The following GTF2A1L variants were observed in gnomAD, a reference collection of about 807,000 sequenced individuals.
The protein encoded by GTF2A1L is TFIIA-alpha and beta-like factor.
Under a neutral mutation model 49.7 loss-of-function variants are expected in GTF2A1L, and 48 were observed. That is an observed-to-expected ratio of 0.97 (90% CI 0.77 to 1.23). GTF2A1L has a LOEUF of 1.23. Ranked by LOEUF, GTF2A1L falls within the 50% of genes most tolerant of loss-of-function variation. The pLI, the probability that GTF2A1L is intolerant of heterozygous loss-of-function variation, is 0.00. For missense variants in GTF2A1L, 736 were observed against 564.8 expected, an observed-to-expected ratio of 1.30 and a Z score of -3.07; for synonymous variants, 246 against 193.5, an observed-to-expected ratio of 1.27 and a Z score of -2.25.
At chr2:48,636,956 A>T (rs1218644842) in intron 3 of GTF2A1L, among the ~76,000 whole-genome samples, 1 of 152,136 alleles carries the variant, frequency 6.6e-6, no homozygotes, top group Non-Finnish European at 1.5e-5. Flanking sequence ...AAGGGAAGGG[A>T]GGAACAGGGA....
rs1678915805 is a variant in GTF2A1L at position 48,667,436 on chromosome 2, A to C, written c.979-2286A>C. 1.3e-5 allele frequency among the ~76,000 whole-genome samples: 2 copies of C among 152,130 alleles called. 1 individual carries two copies. The highest frequency in any genetic ancestry group is 1.3e-4 in the Admixed American group (2 of 15,274). On this transcript the variant is annotated intron_variant, in intron 6 of 8. Coordinates refer to ENST00000403751, the MANE Select transcript of GTF2A1L (RefSeq NM_006872.5). ...GCTTCAAGAAAAGTTGTGATTTTGT[A>C]ATTTATCCAGCTTTTGTTCATTGTT...
intron 5 of GTF2A1L, among the ~76,000 whole-genome samples, chr2:48,645,341 T>C (rs976217281): frequency 1.3e-5 from 2 of 152,220 alleles, no homozygotes; most frequent in African/African-American, 2.4e-5. Flanking sequence ...CAGTTCTCTT[T>C]CCCAACATTG....
intron 3 of GTF2A1L, among the ~76,000 whole-genome samples, chr2:48,634,933 G>C (rs1180992468): frequency 6.6e-6 from 1 of 152,228 alleles, no homozygotes; most frequent in Non-Finnish European, 1.5e-5. Flanking sequence ...GCAGGTACAA[G>C]CACTGAAGCT....
At chr2:48,646,401 A>G (rs1283035108) in intron 5 of GTF2A1L, 52 bp from the exon 6 acceptor site, 2 of 1,382,368 alleles carry the variant, frequency 1.4e-6, no homozygotes, top group Non-Finnish European at 1.9e-6. Flanking sequence ...GGTGGTTGTC[A>G]AAGGAAATTT....
At chr2:48,678,742 C>G (rs1159131404) in intron 8 of GTF2A1L, among the ~76,000 whole-genome samples, 1 of 152,042 alleles carries the variant, frequency 6.6e-6, no homozygotes, top group Non-Finnish European at 1.5e-5. Context: ...TTGGGACTTT[C>G]TTCCTCATGA....
At chr2:48,661,246 A>ATTTTTTTTTTTTTTTTTTTTTTTT (rs1558757501) in intron 6 of GTF2A1L, among the ~76,000 whole-genome samples, 1 of 71,848 alleles carries the variant, frequency 1.4e-5, no homozygotes, top group African/African-American at 6.2e-5. Context: ...GCATCCCCAA[A>ATTTTTTTTTTTTTTTTTTTTTTTT]CTTTTTTTTT....
intron 6 of GTF2A1L, among the ~76,000 whole-genome samples, chr2:48,657,209 C>G (rs1678230221): frequency 6.6e-6 from 1 of 152,186 alleles, no homozygotes; most frequent in Non-Finnish European, 1.5e-5. Flanking sequence ...CATCCAGGAA[C>G]TATGCATAGT....
rs376791149 is a variant in GTF2A1L, at chr2:48,621,448, T to C, written c.247+158T>C. ...GAACACAGTATAAATCATTGCCCCATGTAATTATTGATTAAAAACTCAGGT... is the reference window on the plus strand; with the variant it reads ...GAACACAGTATAAATCATTGCCCCACGTAATTATTGATTAAAAACTCAGGT... On this transcript the variant is annotated intron_variant, in intron 3 of 8. Coordinates refer to ENST00000403751, the MANE Select transcript of GTF2A1L (RefSeq NM_006872.5). 1.8e-5 allele frequency: 17 copies of C among 939,674 alleles called. No individual in the cohort carries two copies. The African/African-American group carries it at 1.9e-4, about 10-fold the overall frequency. The allele number at this position is 939,674 out of a possible 1,614,324, so 58.2% of individuals were successfully genotyped here.
At position 48,646,841 on chromosome 2, in the gene GTF2A1L, T is replaced by G. The variant is rs1558735621; in HGVS notation, c.777T>G (p.Asn259Lys). The G allele has an allele frequency of 1.2e-6, 2 of 1,613,978 alleles. No homozygotes were observed. The highest frequency in any genetic ancestry group is 2.7e-5 in the African/African-American group (2 of 74,928). ...CACAGGTCTCTCAAACAAATTCTAA[T>G]GTGGAGTCAGTGCTCAGTGGTTCAG... ...FSPQVSQTNS[N>K]VESVLSGSAS... The change falls in exon 6 of 9, where the codon AAT becomes AAG. Residue 259 changes from asparagine to lysine, a missense_variant. By Grantham distance (94) the Asn-to-Lys change is moderately conservative. Coordinates refer to ENST00000403751, the MANE Select transcript of GTF2A1L (RefSeq NM_006872.5).
chr2:48,634,930 C>A (rs923434569), intron 3 of GTF2A1L, among the ~76,000 whole-genome samples: 1 of 152,188 alleles, frequency 6.6e-6, no homozygotes, highest in African/African-American at 2.4e-5. Flanking sequence ...GTGGCAGGTA[C>A]AAGCACTGAA....
At chr2:48,654,725 A>C (rs960197601) in intron 6 of GTF2A1L, among the ~76,000 whole-genome samples, 2 of 152,104 alleles carry the variant, frequency 1.3e-5, no homozygotes, top group Admixed American at 1.3e-4. Context: ...TTGTTTTAGC[A>C]TTGTTTGTTA....
At chr2:48,651,847 A>G (rs948191484) in intron 6 of GTF2A1L, among the ~76,000 whole-genome samples, 5 of 152,210 alleles carry the variant, frequency 3.3e-5, no homozygotes, top group African/African-American at 1.2e-4. Flanking sequence ...AAGCCCCCTC[A>G]TAACAATTTG....
chr2:48,638,419 A>G (rs1034647905), intron 3 of GTF2A1L, among the ~76,000 whole-genome samples: 3 of 152,236 alleles, frequency 2.0e-5, no homozygotes, highest in African/African-American at 7.2e-5. Context: ...AAGTTGGCTC[A>G]GCATACTCAA....
At chr2:48,634,867 AG>A (rs1476940701) in intron 3 of GTF2A1L, among the ~76,000 whole-genome samples, 1 of 152,138 alleles carries the variant, frequency 6.6e-6, no homozygotes, top group East Asian at 1.9e-4. Flanking sequence ...CTGGGAGGGC[AG>A]GGGCCATGAA....
At chr2:48,667,550 T>G (rs912274010) in intron 6 of GTF2A1L, among the ~76,000 whole-genome samples, 3 of 152,208 alleles carry the variant, frequency 2.0e-5, no homozygotes, top group South Asian at 2.1e-4. Flanking sequence ...AGAATACAAA[T>G]TTATCTTATT....
At chr2:48,629,276 C>T (rs1351043887) in intron 3 of GTF2A1L, among the ~76,000 whole-genome samples, 5 of 142,944 alleles carry the variant, frequency 3.5e-5, no homozygotes, top group African/African-American at 1.2e-4. Context: ...CCAAAGCTGG[C>T]AAGGAGGAAG....
intron 6 of GTF2A1L, 42 bp downstream of exon 6, chr2:48,647,084 A>G (rs766307954): frequency 3.8e-5 from 56 of 1,463,066 alleles, no homozygotes; most frequent in Non-Finnish European, 4.7e-5. Flanking sequence ...GGGGACAGAT[A>G]GTGGCCAGTA....
chr2:48,658,498 A>G (rs1333122185), intron 6 of GTF2A1L, among the ~76,000 whole-genome samples: 1 of 152,178 alleles, frequency 6.6e-6, no homozygotes, highest in Non-Finnish European at 1.5e-5. Flanking sequence ...TGCTTTGGTT[A>G]CTGTAGCCTT....
intron 6 of GTF2A1L, among the ~76,000 whole-genome samples, chr2:48,648,243 A>G (rs1451329014): frequency 6.6e-6 from 1 of 152,148 alleles, no homozygotes; most frequent in Non-Finnish European, 1.5e-5. Context: ...GTTTTTTAAC[A>G]TAACATATAA....
Sources: allele counts gnomAD v4.1 joint callset (sites outside exome capture counted in the v4.1 genomes callset), GRCh38; gene constraint gnomAD v4.1.1; transcripts MANE v1.5; gene names NCBI Gene and HGNC (gene_info 2026-07-23, HGNC 2026-07-21).